PRPF39: variants seen among roughly 807,000 people sequenced by gnomAD.
PRPF39 encodes the protein pre-mRNA processing factor 39.
PRPF39 carries 27 observed loss-of-function variants against 82.1 expected under a neutral mutation model. That is an observed-to-expected ratio of 0.33 (90% CI 0.24 to 0.45). The LOEUF is 0.45. PRPF39 is among the 20% of genes least tolerant of loss of function. The pLI is 1.00. For missense variants in PRPF39, 581 were observed against 796.9 expected, an observed-to-expected ratio of 0.73 and a Z score of 3.26; for synonymous variants, 261 against 256.4, an observed-to-expected ratio of 1.02 and a Z score of -0.17.
chr14:45,109,215 C>T (rs749309586), intron 7 of PRPF39, among the ~76,000 whole-genome samples: 20 of 152,160 alleles, frequency 1.3e-4, no homozygotes, highest in Non-Finnish European at 1.5e-4. Flanking sequence ...TTGTAGTCAT[C>T]ACAGCAATCA....
In PRPF39 at chr14:45,109,660, A is replaced by G; in HGVS notation, c.1056A>G (p.Gln352=). The change falls in exon 8 of 14, where the codon CAA becomes CAG. Residue 352 remains glutamine, a synonymous_variant. Coordinates refer to ENST00000355765, the MANE Select transcript of PRPF39 (RefSeq NM_017922.4). ...YFHVKPLEKA[Q]LKNWKEYLEF... ...ATGTGAAACCTTTGGAAAAGGCACA[A>G]CTAAAAAACTGGAAAGAATACTTAG... is the stretch of plus-strand genomic sequence containing the variant. The G allele has an allele frequency of 2.5e-6, 4 of 1,607,912 alleles. No homozygotes were observed. Among genetic ancestry groups the G allele is most frequent in the Non-Finnish European group, 3.4e-6 (4 of 1,176,560 alleles).
intron 1 of PRPF39, among the ~76,000 whole-genome samples, chr14:45,093,346 C>G (rs940868764): frequency 1.3e-5 from 2 of 151,414 alleles, no homozygotes; most frequent in Non-Finnish European, 1.5e-5. Context: ...CCTCAGCCTC[C>G]CGAGTAGCTG....
intron 1 of PRPF39, among the ~76,000 whole-genome samples, chr14:45,094,923 G>A (rs751398150): frequency 6.6e-6 from 1 of 152,140 alleles, no homozygotes; most frequent in Non-Finnish European, 1.5e-5. Flanking sequence ...ATTTTAAATA[G>A]TATTTCTTCA....
chr14:45,112,216 C>A, intron 10 of PRPF39, 102 bp from the exon 11 acceptor site: 1 of 1,025,114 alleles, frequency 9.8e-7, no homozygotes, highest in Non-Finnish European at 1.4e-6. Context: ...ATACAATTTT[C>A]AATATTTTTT....
At position 45,109,759 on chromosome 14, in the gene PRPF39, C is replaced by A; in HGVS notation, c.1155C>A (p.Leu385=). The A allele has an allele frequency of 6.9e-6, 11 of 1,604,784 alleles. No individual in the cohort carries two copies. Among genetic ancestry groups the A allele is most frequent in the Non-Finnish European group, 9.4e-6 (11 of 1,175,748 alleles). ...LFERCVISCA[L]YEEFWIKYAK... ...AAAGATGTGTCATATCATGTGCCCTCTATGAGGAGTTTTGGATTAAGGTAA... is the reference window on the plus strand; with the variant it reads ...AAAGATGTGTCATATCATGTGCCCTATATGAGGAGTTTTGGATTAAGGTAA... The change falls in exon 8 of 14, where the codon CTC becomes CTA. Residue 385 remains leucine (L), a synonymous_variant. Transcript: ENST00000355765.
At chr14:45,085,044 G>T (rs749600892) in intron 1 of PRPF39, among the ~76,000 whole-genome samples, 1 of 152,112 alleles carries the variant, frequency 6.6e-6, no homozygotes, top group Non-Finnish European at 1.5e-5. Flanking sequence ...GATTTAATCT[G>T]TTCAGAAATA....
chr14:45,092,249 A>T (rs1884052236), intron 1 of PRPF39, among the ~76,000 whole-genome samples: 2 of 152,108 alleles, frequency 1.3e-5, no homozygotes, highest in Non-Finnish European at 2.9e-5. Flanking sequence ...GTGAGAAGGG[A>T]TATTGGGTAG....
At chr14:45,111,172 T>G (rs1884685542) in intron 10 of PRPF39, among the ~76,000 whole-genome samples, 1 of 152,234 alleles carries the variant, frequency 6.6e-6, no homozygotes, top group African/African-American at 2.4e-5. Flanking sequence ...TAAGCACATT[T>G]AGAAGTGAGA....
At chr14:45,086,907 A>G (rs926358601) in intron 1 of PRPF39, among the ~76,000 whole-genome samples, 2 of 149,490 alleles carry the variant, frequency 1.3e-5, no homozygotes, top group African/African-American at 4.9e-5. Context: ...GACATCACTA[A>G]CTCAATAAAC....
At chr14:45,097,111 A>G in intron 4 of PRPF39, 106 bp downstream of exon 4, 1 of 1,387,488 alleles carries the variant, frequency 7.2e-7, no homozygotes, top group Non-Finnish European at 9.4e-7. Flanking sequence ...CTTCTATTCC[A>G]TTGTTAAAAA....
chr14:45,086,462 A>G (rs1012437246), intron 1 of PRPF39, among the ~76,000 whole-genome samples: 1 of 152,206 alleles, frequency 6.6e-6, no homozygotes, highest in African/African-American at 2.4e-5. Context: ...TGATTTTATA[A>G]TAAAGTGTAA....
chr14:45,114,349 A>G, intron 12 of PRPF39, 92 bp downstream of exon 12: 6 of 1,358,606 alleles, frequency 4.4e-6, no homozygotes, highest in African/African-American at 1.5e-5. Flanking sequence ...TTATGTTGTA[A>G]TTTACATACT....
intron 12 of PRPF39, 79 bp downstream of exon 12, chr14:45,114,336 C>T (rs1455919269): frequency 1.4e-6 from 2 of 1,388,610 alleles, no homozygotes; most frequent in African/African-American, 1.5e-5. Flanking sequence ...TTAAGTGTTA[C>T]TTTTATGTTG....
chr14:45,107,545 C>G lies in PRPF39; in HGVS notation c.832C>G (p.His278Asp), dbSNP rs866817965. The G allele has an allele frequency of 6.4e-7, 1 of 1,555,548 alleles. No homozygotes were observed. Among genetic ancestry groups the G allele is most frequent in the Admixed American group, 1.9e-5 (1 of 51,320 alleles). The change falls in exon 6 of 14, where the codon CAT becomes GAT. Residue 278 changes from histidine (H) to aspartate (D), a missense_variant. By Grantham distance (81) the His-to-Asp change is moderately conservative. Transcript: ENST00000355765. Reference sequence around the variant, plus strand: ...AAGGGAATTAGCTTCTGTAAATGGTCATAGTGGTGATGATGGTCCTCCTGG... The same window carrying G: ...AAGGGAATTAGCTTCTGTAAATGGTGATAGTGGTGATGATGGTCCTCCTGG... ...LRRELASVNG[H>D]SGDDGPPGDD...
At chr14:45,089,423 TTA>T (rs1432257408) in intron 1 of PRPF39, among the ~76,000 whole-genome samples, 3 of 152,188 alleles carry the variant, frequency 2.0e-5, no homozygotes, top group Non-Finnish European at 1.5e-5. Context: ...TCTGTGTTCT[TTA>T]TTTCATTGGC....
intron 1 of PRPF39, among the ~76,000 whole-genome samples, chr14:45,088,586 C>T (rs1460148047): frequency 6.6e-6 from 1 of 152,148 alleles, no homozygotes; most frequent in Non-Finnish European, 1.5e-5. Context: ...CTGTTTCTTA[C>T]TATTCATGTA....
At chr14:45,091,500 A>G (rs1459777731) in intron 1 of PRPF39, among the ~76,000 whole-genome samples, 1 of 152,216 alleles carries the variant, frequency 6.6e-6, no homozygotes, top group Non-Finnish European at 1.5e-5. Context: ...CCGTGTGACA[A>G]TTTTAAAGGG....
intron 1 of PRPF39, among the ~76,000 whole-genome samples, chr14:45,093,769 G>A (rs1168479340): frequency 2.7e-5 from 4 of 150,824 alleles, no homozygotes; most frequent in Admixed American, 2.6e-4. Flanking sequence ...TGGTGAGGCT[G>A]GTCTCGAACT....
chr14:45,107,037 TTAA>T (rs1884554984), intron 5 of PRPF39, among the ~76,000 whole-genome samples: 1 of 152,210 alleles, frequency 6.6e-6, no homozygotes, highest in African/African-American at 2.4e-5. Context: ...ATTACAGTAT[TTAA>T]TTTTACTGTA....
Sources: allele counts gnomAD v4.1 joint callset (sites outside exome capture counted in the v4.1 genomes callset), GRCh38; gene constraint gnomAD v4.1.1; transcripts MANE v1.5; gene names NCBI Gene and HGNC (gene_info 2026-07-23, HGNC 2026-07-21).